TMEM63B: variants seen among roughly 807,000 people sequenced by gnomAD.
TMEM63B encodes the protein mechanosensitive cation channel TMEM63B.
In TMEM63B, 23 loss-of-function variants were observed where a neutral mutation model predicts 102.6. That is an observed-to-expected ratio of 0.22 (90% CI 0.16 to 0.32). The LOEUF (loss-of-function observed/expected upper bound fraction) is 0.32. Ranked by LOEUF, TMEM63B falls within the 10% of genes least tolerant of loss-of-function variation. TMEM63B has a pLI of 1.00. For synonymous variants in TMEM63B, 444 were observed against 437.0 expected (o/e 1.02, Z -0.20); for missense variants, 628 against 1,095.9 (o/e 0.57, Z 6.03).
At chr6:44,135,205 G>A (rs571733536) in intron 3 of TMEM63B, 109 bp downstream of exon 3, 12 of 1,571,026 alleles carry the variant, frequency 7.6e-6, no homozygotes, top group Non-Finnish European at 7.8e-6. Flanking sequence ...CTGGGGGGAT[G>A]AGAAGGGACT....
Position 44,147,408 on chromosome 6 carries a change from A to C in TMEM63B, c.895A>C (p.Thr299Pro). The C allele has an allele frequency of 6.2e-7, 1 of 1,614,206 alleles. No homozygotes were observed. Among genetic ancestry groups the C allele is most frequent in the South Asian group, 1.1e-5 (1 of 91,088 alleles). The stretch of plus-strand genomic sequence containing the variant: ...GGCCGAGCGGGGAAAGCTGTACTTC[A>C]CAAACCTCCAGAGCAAGGAGAACGT... ...KKAERGKLYF[T>P]NLQSKENVPT... The change falls in exon 12 of 24, where the codon ACA (threonine) becomes CCA (proline). Residue 299 changes from threonine to proline, a missense_variant. Thr to Pro is a conservative substitution (Grantham distance 38). Transcript: ENST00000323267.
At chr6:44,151,255 C>T (rs1010274258) in intron 18 of TMEM63B, among the ~76,000 whole-genome samples, 2 of 152,100 alleles carry the variant, frequency 1.3e-5, no homozygotes, top group African/African-American at 2.4e-5. Context: ...GGCATCTTCT[C>T]TGGGAATCAT....
At position 44,148,279 on chromosome 6, in the gene TMEM63B, C is replaced by A; in HGVS notation, c.1015C>A (p.Leu339Met). 1 of 1,614,236 alleles carries A rather than the reference C, an allele frequency of 6.2e-7. No homozygotes were observed. The highest frequency in any genetic ancestry group is 8.5e-7 in the Non-Finnish European group (1 of 1,180,040). Reference protein sequence around the residue: ...QVEAIEYYTKLEQKLKEDYKR... With the variant: ...QVEAIEYYTKMEQKLKEDYKR... ...GGAGGCCATTGAGTACTACACAAAGCTGGAGCAGAAGCTGAAGGAAGACTA... is the reference window on the plus strand; with the variant it reads ...GGAGGCCATTGAGTACTACACAAAGATGGAGCAGAAGCTGAAGGAAGACTA... Residue 339 changes from leucine to methionine, a missense_variant, in exon 13 of 24, where the codon CTG (leucine) becomes ATG (methionine). Leu to Met is a conservative substitution (Grantham distance 15). Transcript: ENST00000323267. The surrounding 1 kb of genome is among the most constrained non-coding windows in gnomAD (Gnocchi z 5.1).
chr6:44,150,638 C>A lies in TMEM63B; in HGVS notation c.1673+9C>A. The A allele has an allele frequency of 6.2e-7, 1 of 1,613,932 alleles. No individual in the cohort carries two copies. On this transcript the variant is annotated intron_variant, in intron 18 of 23. Coordinates refer to ENST00000323267, the MANE Select transcript of TMEM63B (RefSeq NM_018426.3). This position sits in a 1 kb window ranked among gnomAD's most constrained non-coding sequence, Gnocchi z 4.7. Reference sequence around the variant, plus strand: ...GCAGCTATTCGGTTTGAGTGAGTGACTGGGGCCCCTAGGGAAAGAGACCAG... The same window carrying A: ...GCAGCTATTCGGTTTGAGTGAGTGAATGGGGCCCCTAGGGAAAGAGACCAG...
chr6:44,146,045 A>G (rs2128249871), intron 10 of TMEM63B, among the ~76,000 whole-genome samples: 1 of 152,264 alleles, frequency 6.6e-6, no homozygotes, highest in South Asian at 2.1e-4. Context: ...AGGGGTCAGG[A>G]TCAATCTCTT....
chr6:44,150,385 C>G lies in TMEM63B; in HGVS notation c.1607+75C>G. The G allele has an allele frequency of 6.6e-7, 1 of 1,507,750 alleles. No homozygotes were observed. Among genetic ancestry groups the G allele is most frequent in the South Asian group, 1.1e-5 (1 of 88,468 alleles). 93.4% of individuals were successfully genotyped at this position (1,507,750 alleles called of 1,614,324 possible). A position where few individuals can be genotyped will look rare whatever the true frequency, so the allele number is the denominator to read the frequency against. On this transcript the variant is annotated intron_variant, in intron 17 of 23. Coordinates refer to ENST00000323267, the MANE Select transcript of TMEM63B (RefSeq NM_018426.3). This position sits in a 1 kb window ranked among gnomAD's most constrained non-coding sequence, Gnocchi z 4.7. ...AGGGAGAGGAGAGCAGTTCAGCCTC[C>G]CTACCTCCCCTACAAAGCAAGGGGC... is the stretch of plus-strand genomic sequence containing the variant.
Position 44,154,444 on chromosome 6 carries a change from C to T in TMEM63B, c.2306C>T (p.Ala769Val), listed in dbSNP as rs745802520. The change falls in exon 23 of 24, where the codon GCG becomes GTG. Residue 769 changes from alanine to valine, a missense_variant and splice_region_variant. Transcript: ENST00000323267. ...ACTGCTGCTGCTGTCCCCAAATCTG[C>T]GGTGAGTGCCCTCAAGGGTTGGGAG... ...PPTAAAVPKSAKYIAQVLQDS... is the reference protein window; with the variant it reads ...PPTAAAVPKSVKYIAQVLQDS... 5.0e-6 allele frequency: 8 copies of T among 1,613,784 alleles called. No individual in the cohort carries two copies. Among genetic ancestry groups the T allele is most frequent in the African/African-American group, 1.3e-5 (1 of 74,906 alleles).
At chr6:44,153,606 AC>A in intron 20 of TMEM63B, 69 bp from the exon 21 acceptor site, 1 of 1,554,606 alleles carries the variant, frequency 6.4e-7, no homozygotes, top group Non-Finnish European at 8.7e-7. Flanking sequence ...GACCAGAACA[AC>A]CTGTGACAGA....
intron 18 of TMEM63B, among the ~76,000 whole-genome samples, 155 bp from the exon 19 acceptor site, chr6:44,151,691 G>T (rs959818192): frequency 1.5e-4 from 23 of 152,138 alleles, no homozygotes; most frequent in African/African-American, 5.3e-4. Flanking sequence ...TCTCTGGGGG[G>T]AACAGGGCAC....
chr6:44,127,203 G>GGGACCCCCCCCTCCCCGTCGGGACCC (rs1777253511), upstream of TMEM63B: 1 of 132,926 alleles, frequency 7.5e-6, no homozygotes, highest in Non-Finnish European at 1.7e-5. Flanking sequence ...CCTCCCCGTC[G>GGGACCCCCCCCTCCCCGTCGGGACCC]GGACCCCTCC....
In TMEM63B at chr6:44,138,738, CCCCCCGCTTCTCTCCCTGCCCT is replaced by C. The variant is rs1562121085; in HGVS notation, c.407+222_407+243del. The C allele has an allele frequency of 9.5e-4, 380 of 398,116 alleles. 2 individuals carry two copies. The highest frequency in any genetic ancestry group is 7.2e-3 in the African/African-American group (350 of 48,600). 24.7% of individuals were successfully genotyped at this position (398,116 alleles called of 1,614,324 possible). A position where few individuals can be genotyped will look rare whatever the true frequency, so the allele number is the denominator to read the frequency against. The stretch of plus-strand genomic sequence containing the variant: ...ATCTCCTCTGTGACCCCCTGCCGGC[CCCCCCGCTTCTCTCCCTGCCCT>C]GCCCCACCTTGAGGGAGGGGGTGGA... On this transcript the variant is annotated intron_variant, in intron 6 of 23. Coordinates refer to ENST00000323267, the MANE Select transcript of TMEM63B (RefSeq NM_018426.3).
At chr6:44,128,009 C>T (rs1777536007) in intron 1 of TMEM63B, 2 of 151,746 alleles carry the variant, frequency 1.3e-5, no homozygotes, top group African/African-American at 4.8e-5. Flanking sequence ...GTGCGCGTCC[C>T]CTGCGCGACC....
rs1225118888 is a variant in TMEM63B at position 44,135,312 on chromosome 6, T to C, written c.240-16T>C. Reference sequence around the variant, plus strand: ...CTCCCCCGCCCCTGCTAACCCTGTCTGTTCTCTGTCCCCAGGCTTCGGCGG... The same window carrying C: ...CTCCCCCGCCCCTGCTAACCCTGTCCGTTCTCTGTCCCCAGGCTTCGGCGG... On this transcript the variant is annotated splice_polypyrimidine_tract_variant and intron_variant, in intron 3 of 23. Transcript: ENST00000323267. 1 of 1,611,820 alleles carries C rather than the reference T, an allele frequency of 6.2e-7. No homozygotes were observed. The highest frequency in any genetic ancestry group is 1.3e-5 in the African/African-American group (1 of 75,014).
intron 22 of TMEM63B, 33 bp downstream of exon 22, chr6:44,154,221 G>A (rs1169717012): frequency 6.8e-6 from 11 of 1,606,620 alleles, no homozygotes; most frequent in East Asian, 2.2e-5. Context: ...GGATGGCTGC[G>A]GGCAGGAGCT....
chr6:44,132,146 A>G, intron 1 of TMEM63B: 1 of 579,594 alleles, frequency 1.7e-6, no homozygotes, highest in Non-Finnish European at 2.2e-6. Context: ...TGCTTCCCCT[A>G]CTGGGTTCCT....
intron 6 of TMEM63B, chr6:44,138,935 A>G: frequency 3.7e-6 from 1 of 266,964 alleles, no homozygotes; most frequent in South Asian, 4.6e-5. Context: ...AGGACAGGTC[A>G]GCACTGCCGC....
intron 1 of TMEM63B, among the ~76,000 whole-genome samples, chr6:44,129,087 T>C (rs2128214521): frequency 6.6e-6 from 1 of 152,288 alleles, no homozygotes; most frequent in Non-Finnish European, 1.5e-5. Flanking sequence ...AACCTCAGTT[T>C]TCATTAAAAA....
Position 44,140,311 on chromosome 6 carries a change from A to G in TMEM63B, c.662A>G (p.Tyr221Cys). Residue 221 changes from tyrosine (Y) to cysteine (C), a missense_variant, in exon 9 of 24, where the codon TAC (tyrosine) becomes TGC (cysteine). By Grantham distance (194) the Tyr-to-Cys change is radical. This residue lies in a region of TMEM63B where 336 missense variants were observed against 580.3 expected (regional missense o/e 0.58). Transcript: ENST00000323267. ...FAFLYLLLTV[Y>C]SMRRHTSKMR... The stretch of plus-strand genomic sequence containing the variant: ...TTCCTGTATCTGCTGCTCACCGTCT[A>G]CAGCATGCGTAGACACACCTCCAAG... 1.2e-6 allele frequency: 2 copies of G among 1,614,048 alleles called. No homozygotes were observed. The highest frequency in any genetic ancestry group is 1.7e-6 in the Non-Finnish European group (2 of 1,179,976).
intron 10 of TMEM63B, among the ~76,000 whole-genome samples, chr6:44,146,516 T>C (rs1765445809): frequency 6.6e-6 from 1 of 150,524 alleles, no homozygotes; most frequent in East Asian, 2.0e-4. Context: ...AGTGGCGCGA[T>C]CTTGGCTCAC....
Sources: gnomAD v4.1 joint callset for allele counts (sites outside exome capture counted in the v4.1 genomes callset) on GRCh38, gnomAD v4.1.1 for gene constraint, gnomAD v4.1.1 regional missense constraint, Gnocchi (gnomAD v3.1) non-coding constraint, MANE v1.5 for transcripts, NCBI Gene and HGNC (gene_info 2026-07-23, HGNC 2026-07-21) for gene names.